Variants in ANKFN1 observed in about 807,000 individuals in gnomAD.
ANKFN1 encodes the protein ankyrin repeat and fibronectin type-III domain-containing protein 1.
In ANKFN1, 74 loss-of-function variants were observed where a neutral mutation model predicts 108.7. The ratio of observed to expected loss-of-function variants is 0.68; its 90% confidence interval spans 0.56 to 0.83. The LOEUF (loss-of-function observed/expected upper bound fraction) is 0.83. Ranked by LOEUF, ANKFN1 falls within the 40% of genes least tolerant of loss-of-function variation. ANKFN1 has a pLI of 0.00. For missense variants in ANKFN1, 1,505 were observed against 1,382.3 expected, an observed-to-expected ratio of 1.09 and a Z score of -1.41; for synonymous variants, 547 against 516.2, an observed-to-expected ratio of 1.06 and a Z score of -0.81.
At chr17:56,073,495 T>C (rs1361670848) in intron 4 of ANKFN1, among the ~76,000 whole-genome samples, 2 of 152,226 alleles carry the variant, frequency 1.3e-5, no homozygotes, top group Admixed American at 6.5e-5. Flanking sequence ...CAGCAGACTT[T>C]TAGTAGTGTT....
At chr17:56,290,042 C>A (rs2044318304) in intron 3 of ANKFN1, among the ~76,000 whole-genome samples, 2 of 152,202 alleles carry the variant, frequency 1.3e-5, no homozygotes, top group Non-Finnish European at 2.9e-5. Flanking sequence ...TGCAAACTCC[C>A]AGATCATTAC....
At chr17:56,460,533 C>G (rs1304482487) in intron 14 of ANKFN1, among the ~76,000 whole-genome samples, 1 of 152,114 alleles carries the variant, frequency 6.6e-6, no homozygotes, top group East Asian at 1.9e-4. Flanking sequence ...TCCTTCCCCA[C>G]ACTCTCCTTC....
intron 4 of ANKFN1, among the ~76,000 whole-genome samples, chr17:56,079,723 G>T (rs1057355173): frequency 3.3e-5 from 5 of 152,178 alleles, no homozygotes; most frequent in Non-Finnish European, 5.9e-5. Flanking sequence ...AAATATCACA[G>T]TTCTGAGGAT....
At chr17:56,165,477 T>C (rs1410663741) in intron 1 of ANKFN1, among the ~76,000 whole-genome samples, 1 of 152,210 alleles carries the variant, frequency 6.6e-6, no homozygotes, top group Non-Finnish European at 1.5e-5. Context: ...AGGATTCAAA[T>C]AAATGTTGTC....
At chr17:56,121,546 T>C (rs965337742) in intron 4 of ANKFN1, among the ~76,000 whole-genome samples, 2 of 151,998 alleles carry the variant, frequency 1.3e-5, no homozygotes, top group African/African-American at 4.8e-5. Context: ...TTGTGTGTGA[T>C]TCAGCCTCCA....
At position 56,513,386 on chromosome 17, in the gene ANKFN1, T is replaced by G. The variant is rs1447146201; in HGVS notation, c.*2117T>G. 6.6e-6 allele frequency among the ~76,000 whole-genome samples: 1 copy of G among 152,220 alleles called. No individual in the cohort carries two copies. Among genetic ancestry groups the G allele is most frequent in the Non-Finnish European group, 1.5e-5 (1 of 68,046 alleles). On this transcript the variant is annotated 3_prime_UTR_variant, in exon 21 of 21. Coordinates refer to ENST00000682825, the MANE Select transcript of ANKFN1 (RefSeq NM_001370326.1). ...TTAAACAGCAAATTTGGGAAAAACA[T>G]CATTTCAAATTATGCCTCTTAGTTA...
At chr17:56,140,449 C>T (rs1031436992) in intron 4 of ANKFN1, among the ~76,000 whole-genome samples, 1 of 152,148 alleles carries the variant, frequency 6.6e-6, no homozygotes, top group Non-Finnish European at 1.5e-5. Flanking sequence ...ATGTCTTTCC[C>T]TTTCTCACTA....
chr17:56,333,934 G>A (rs74579283), intron 4 of ANKFN1, among the ~76,000 whole-genome samples: 8,700 of 152,034 alleles, frequency 0.057, 575 homozygotes, highest in African/African-American at 0.16. Context: ...TTGACCAACC[G>A]TGTGTTTCCC....
In ANKFN1 at chr17:56,350,843, C is replaced by G. The variant is rs1156757175; in HGVS notation, c.266C>G (p.Ser89Cys). 1 of 1,613,922 alleles carries G rather than the reference C, an allele frequency of 6.2e-7. No individual in the cohort carries two copies. Among genetic ancestry groups the G allele is most frequent in the Non-Finnish European group, 8.5e-7 (1 of 1,179,900 alleles). The change falls in exon 5 of 21, where the codon TCT becomes TGT. Residue 89 changes from serine to cysteine, a missense_variant. Ser to Cys is a moderately radical substitution (Grantham distance 112). Transcript: ENST00000682825. ...TCAAAAAAACATAGTGCTCCCTCAT[C>G]TCCCAACGCAGCCAAACGCCTGTAC... ...CQSKKHSAPS[S>C]PNAAKRLYRN...
chr17:56,175,503 C>T (rs960700949), intron 1 of ANKFN1, among the ~76,000 whole-genome samples: 7 of 152,138 alleles, frequency 4.6e-5, no homozygotes, highest in African/African-American at 1.7e-4. Context: ...GGGGAATTTC[C>T]TATACACATT....
intron 4 of ANKFN1, among the ~76,000 whole-genome samples, chr17:56,109,965 A>G (rs759756607): frequency 2.3e-4 from 35 of 152,218 alleles, no homozygotes; most frequent in Non-Finnish European, 4.6e-4. Flanking sequence ...GCTCCTTCAT[A>G]GGGACATAGA....
chr17:56,411,332 T>A (rs1223585392), intron 8 of ANKFN1, among the ~76,000 whole-genome samples: 1 of 152,204 alleles, frequency 6.6e-6, no homozygotes, highest in East Asian at 1.9e-4. Context: ...TTTTTTAAAT[T>A]TGATTTTGTA....
chr17:56,158,792 G>C (rs555016160), intron 1 of ANKFN1, among the ~76,000 whole-genome samples: 1 of 152,138 alleles, frequency 6.6e-6, no homozygotes, highest in South Asian at 2.1e-4. Flanking sequence ...AAAGCTTTGG[G>C]GAATTTTGAT....
chr17:56,152,913 A>G (rs1051481266), upstream of ANKFN1, among the ~76,000 whole-genome samples: 1 of 152,236 alleles, frequency 6.6e-6, no homozygotes, highest in African/African-American at 2.4e-5. Flanking sequence ...AGATTATATT[A>G]TCATCTCCCC....
intron 4 of ANKFN1, among the ~76,000 whole-genome samples, chr17:56,109,940 C>G (rs2143245925): frequency 6.6e-6 from 1 of 152,334 alleles, no homozygotes; most frequent in South Asian, 2.1e-4. Context: ...ATGGGTCAAG[C>G]TAGCTCTACC....
chr17:56,311,906 T>C (rs1386324794), intron 3 of ANKFN1, among the ~76,000 whole-genome samples: 1 of 148,312 alleles, frequency 6.7e-6, no homozygotes, highest in Non-Finnish European at 1.5e-5. Flanking sequence ...GATACTCAAC[T>C]TGTAGTCCCA....
intron 19 of ANKFN1, 130 bp from the exon 20 acceptor site, chr17:56,498,752 T>C: frequency 1.4e-6 from 1 of 728,864 alleles, no homozygotes; most frequent in East Asian, 2.7e-5. Context: ...AACAAATCTA[T>C]GTTAAAAATA....
Position 56,233,810 on chromosome 17 carries a change from A to T in ANKFN1, c.53+5853A>T, listed in dbSNP as rs186397722. On this transcript the variant is annotated intron_variant, in intron 3 of 20. Coordinates refer to ENST00000682825, the MANE Select transcript of ANKFN1 (RefSeq NM_001370326.1). Reference sequence around the variant, plus strand: ...AGATGTGTAACAAAATTTATGATTGATGAATGAATATAGTTTCCATGTAAA... The same window carrying T: ...AGATGTGTAACAAAATTTATGATTGTTGAATGAATATAGTTTCCATGTAAA... 3.4e-4 allele frequency among the ~76,000 whole-genome samples: 52 copies of T among 152,158 alleles called. No individual in the cohort carries two copies. The East Asian group carries it at 9.2e-3, about 27-fold the overall frequency.
chr17:56,368,731 G>C (rs960574380), intron 6 of ANKFN1, among the ~76,000 whole-genome samples: 3 of 152,122 alleles, frequency 2.0e-5, no homozygotes, highest in African/African-American at 7.2e-5. Flanking sequence ...TTGTGTAGCT[G>C]TGTCATGTAT....
Sources: gnomAD v4.1 joint callset for allele counts (sites outside exome capture counted in the v4.1 genomes callset) on GRCh38, gnomAD v4.1.1 for gene constraint, MANE v1.5 for transcripts, NCBI Gene and HGNC (gene_info 2026-07-23, HGNC 2026-07-21) for gene names.